The following DSCAML1 variants were observed in gnomAD, a reference collection of about 807,000 sequenced individuals.
DSCAML1 encodes cell adhesion molecule DSCAML1.
Under a neutral mutation model 200.5 loss-of-function variants are expected in DSCAML1, and 38 were observed. The ratio of observed to expected loss-of-function variants is 0.19; its 90% CI spans 0.15 to 0.25. DSCAML1 has a LOEUF of 0.25. Among genes scored for constraint, DSCAML1 ranks in the 10% least tolerant of loss-of-function variants. The probability of loss-of-function intolerance (pLI) is 1.00; values close to 1 mark genes in which losing one functional copy is unlikely to be tolerated. For missense variants in DSCAML1, 2,223 were observed against 2,858.8 expected (o/e 0.78, Z 5.07); for synonymous variants, 1,215 against 1,165.0 (o/e 1.04, Z -0.87).
In DSCAML1 at chr11:117,437,850, C is replaced by T. The variant is rs1371748027; in HGVS notation, c.4432+45G>A. 6.5e-7 allele frequency: 1 copy of T among 1,550,242 alleles called. No individual in the cohort carries two copies. Among genetic ancestry groups the T allele is most frequent in the African/African-American group, 1.3e-5 (1 of 74,318 alleles). The stretch of plus-strand genomic sequence containing the variant: ...TACCTGGCCCCTCTAGCCCACCCTC[C>T]CTGGGCCCATCGCTCCTTCCCTGCC... On this transcript the variant is annotated intron_variant, in intron 25 of 32. Coordinates refer to ENST00000651296, the MANE Select transcript of DSCAML1 (RefSeq NM_020693.4). The surrounding 1 kb of genome is among the most constrained non-coding windows in gnomAD (Gnocchi z 5.3).
chr11:117,780,937 C>G lies in DSCAML1; in HGVS notation c.47-127G>C. On this transcript the variant is annotated intron_variant, in intron 1 of 32. Transcript: ENST00000651296. This position sits in a 1 kb window ranked among gnomAD's most constrained non-coding sequence, Gnocchi z 4.8. ...TCAAGCATCAGTCATTCAGTATGCA[C>G]TTATTGAGCACTGACTATACACCAG... 1 of 687,804 alleles carries G rather than the reference C, an allele frequency of 1.5e-6. No individual in the cohort carries two copies. The allele number at this position is 687,804 out of a possible 1,614,324, so 42.6% of individuals were successfully genotyped here.
chr11:117,557,007 A>G (rs910611071), intron 3 of DSCAML1, among the ~76,000 whole-genome samples: 1 of 152,230 alleles, frequency 6.6e-6, no homozygotes, highest in African/African-American at 2.4e-5. Context: ...AGATGGATGC[A>G]GGGAAGGGAC....
intron 3 of DSCAML1, among the ~76,000 whole-genome samples, chr11:117,772,413 C>T (rs916271610): frequency 4.6e-5 from 7 of 152,192 alleles, no homozygotes; most frequent in Admixed American, 6.5e-5. Flanking sequence ...GTGTCCTCAG[C>T]GCACTTTCAG....
chr11:117,602,668 C>T (rs1018503507), intron 3 of DSCAML1, among the ~76,000 whole-genome samples: 1 of 152,050 alleles, frequency 6.6e-6, no homozygotes, highest in Non-Finnish European at 1.5e-5. Flanking sequence ...GCCCAAGGGT[C>T]CCTCTCTTTC....
intron 1 of DSCAML1, among the ~76,000 whole-genome samples, chr11:117,804,846 T>C (rs963402973): frequency 6.6e-6 from 1 of 152,142 alleles, no homozygotes; most frequent in Non-Finnish European, 1.5e-5. Context: ...GGGAGGATCT[T>C]CTGAGCCTGG....
intron 8 of DSCAML1, among the ~76,000 whole-genome samples, chr11:117,512,552 C>G (rs2137294189): frequency 6.6e-6 from 1 of 152,070 alleles, no homozygotes; most frequent in African/African-American, 2.4e-5. Flanking sequence ...AGAGAGAAAA[C>G]AGGTGACTAC....
At chr11:117,559,530 G>A (rs745533131) in intron 3 of DSCAML1, among the ~76,000 whole-genome samples, 18 of 152,280 alleles carry the variant, frequency 1.2e-4, no homozygotes, top group South Asian at 4.1e-4. Context: ...CTGCTTTTCT[G>A]AAATGTACCC....
upstream of DSCAML1, among the ~76,000 whole-genome samples, chr11:117,797,771 C>T (rs1473417570): frequency 2.0e-5 from 3 of 152,174 alleles, no homozygotes; most frequent in African/African-American, 4.8e-5. Context: ...GCACGCTGTT[C>T]GAATTTTCCT....
At chr11:117,652,786 T>C (rs2052660686) in intron 3 of DSCAML1, among the ~76,000 whole-genome samples, 1 of 152,128 alleles carries the variant, frequency 6.6e-6, no homozygotes, top group Non-Finnish European at 1.5e-5. Context: ...TGTCTCCCCA[T>C]TGCCACCCCC....
intron 3 of DSCAML1, among the ~76,000 whole-genome samples, chr11:117,577,491 T>TTCCTTCCTTCCTTCCC (rs1231385521): frequency 3.3e-5 from 2 of 61,196 alleles, no homozygotes; most frequent in Non-Finnish European, 6.4e-5. Context: ...CCTTCCTTCC[T>TTCCTTCCTTCCTTCCC]TCCTTCCTTC....
intron 1 of DSCAML1, among the ~76,000 whole-genome samples, chr11:117,806,745 T>TTGG (rs2055709983): frequency 1.3e-5 from 2 of 152,290 alleles, no homozygotes; most frequent in South Asian, 4.1e-4. Flanking sequence ...TGTATTGACT[T>TTGG]TGGTGGTGGT....
At chr11:117,510,081 A>G (rs2049589020) in intron 8 of DSCAML1, among the ~76,000 whole-genome samples, 1 of 152,238 alleles carries the variant, frequency 6.6e-6, no homozygotes, top group African/African-American at 2.4e-5. Context: ...TTCAGTGTCC[A>G]GTCACCATAA....
chr11:117,495,446 A>G (rs2049272818), intron 11 of DSCAML1, among the ~76,000 whole-genome samples: 1 of 152,188 alleles, frequency 6.6e-6, no homozygotes, highest in Non-Finnish European at 1.5e-5. Context: ...AGGACTAGGC[A>G]GGGAGGGGTG....
chr11:117,800,675 ATC>A (rs1251268699), upstream of DSCAML1, among the ~76,000 whole-genome samples: 2 of 152,148 alleles, frequency 1.3e-5, no homozygotes, highest in Admixed American at 1.3e-4. Context: ...CTGGGTGATG[ATC>A]TGTCTGTATT....
chr11:117,789,423 C>T (rs2055418915), intron 1 of DSCAML1, among the ~76,000 whole-genome samples: 1 of 152,146 alleles, frequency 6.6e-6, no homozygotes, highest in Non-Finnish European at 1.5e-5. Flanking sequence ...GCTTGAGGGA[C>T]TTAAGAGATT....
intron 11 of DSCAML1, among the ~76,000 whole-genome samples, chr11:117,492,235 G>T (rs895688070): frequency 6.6e-6 from 1 of 152,138 alleles, no homozygotes; most frequent in Non-Finnish European, 1.5e-5. Context: ...GAGGCAACGG[G>T]ATTGGAAGAA....
At chr11:117,682,017 C>T (rs1165519910) in intron 3 of DSCAML1, among the ~76,000 whole-genome samples, 1 of 152,170 alleles carries the variant, frequency 6.6e-6, no homozygotes. Flanking sequence ...CTTTAGTGTC[C>T]TCTTATCACC....
intron 3 of DSCAML1, among the ~76,000 whole-genome samples, chr11:117,644,149 T>C (rs1293537549): frequency 6.6e-6 from 1 of 152,186 alleles, no homozygotes; most frequent in Non-Finnish European, 1.5e-5. Flanking sequence ...GCCTGCCCCT[T>C]GACTCGGGCG....
intron 2 of DSCAML1, among the ~76,000 whole-genome samples, chr11:117,778,436 G>A (rs762040698): frequency 1.3e-5 from 2 of 152,194 alleles, no homozygotes; most frequent in East Asian, 1.9e-4. Flanking sequence ...TCTAACAAGC[G>A]GGCCCTGCCT....
Sources: gnomAD v4.1 joint callset for allele counts (sites outside exome capture counted in the v4.1 genomes callset) on GRCh38, gnomAD v4.1.1 for gene constraint, Gnocchi (gnomAD v3.1) non-coding constraint, MANE v1.5 for transcripts, NCBI Gene and HGNC (gene_info 2026-07-23, HGNC 2026-07-21) for gene names.